The following NF2 variants were observed in gnomAD, a reference collection of about 807,000 sequenced individuals.
NF2 encodes NF2, moesin-ezrin-radixin like (MERLIN) tumor suppressor, also known as merlin.
NF2 carries 8 observed loss-of-function variants against 83.7 expected under a neutral mutation model. That is an observed-to-expected ratio of 0.10 (90% CI 0.06 to 0.17). The LOEUF is 0.17. Ranked by LOEUF, NF2 falls within the 10% of genes least tolerant of loss-of-function variation. The pLI is 1.00. For missense variants in NF2, 533 were observed against 744.4 expected, an observed-to-expected ratio of 0.72 and a Z score of 3.31; for synonymous variants, 266 against 269.6, an observed-to-expected ratio of 0.99 and a Z score of 0.13.
intron 15 of NF2, among the ~76,000 whole-genome samples, chr22:29,688,654 T>G (rs1465185929): frequency 6.6e-6 from 1 of 152,186 alleles, no homozygotes; most frequent in Non-Finnish European, 1.5e-5. Context: ...TCAGGCAGCT[T>G]TTGCTGCTTT....
chr22:29,689,042 G>A (rs967911342), intron 15 of NF2, among the ~76,000 whole-genome samples: 1 of 152,110 alleles, frequency 6.6e-6, no homozygotes, highest in Non-Finnish European at 1.5e-5. Context: ...AGCTGGGCGT[G>A]GTGGCATGCG....
rs145719271 is a variant in NF2 at position 29,695,942 on chromosome 22, G to T, written c.*1140G>T. 7.2e-4 allele frequency: 169 copies of T among 233,364 alleles called. 2 individuals carry two copies. Among genetic ancestry groups the T allele is most frequent in the African/African-American group, 3.6e-3 (163 of 45,400 alleles). 14.5% of individuals were successfully genotyped at this position (233,364 alleles called of 1,614,324 possible). Reference sequence around the variant, plus strand: ...CCCTCCCAGCACAGGCCTGATGCAGGTGTCCACTCACAGGTGGCGCTCACC... The same window carrying T: ...CCCTCCCAGCACAGGCCTGATGCAGTTGTCCACTCACAGGTGGCGCTCACC... On this transcript the variant is annotated 3_prime_UTR_variant, in exon 16 of 16. Transcript: ENST00000338641. The surrounding 1 kb of genome is among the most constrained non-coding windows in gnomAD (Gnocchi z 5.4).
At chr22:29,624,806 TTTC>T (rs2065303867) in intron 1 of NF2, among the ~76,000 whole-genome samples, 1 of 36,244 alleles carries the variant, frequency 2.8e-5, no homozygotes. Context: ...GTCCTCTTTC[TTTC>T]TTTCTTTCTT....
At chr22:29,629,635 T>C (rs2065457070) in intron 1 of NF2, among the ~76,000 whole-genome samples, 1 of 152,272 alleles carries the variant, frequency 6.6e-6, no homozygotes, top group African/African-American at 2.4e-5. Context: ...GTTCCTTTTG[T>C]TGCTCTATCT....
intron 1 of NF2, among the ~76,000 whole-genome samples, chr22:29,606,206 G>A (rs1253984269): frequency 2.6e-5 from 4 of 152,214 alleles, no homozygotes; most frequent in Admixed American, 6.5e-5. Context: ...CACCTGCCTC[G>A]GCCTCCCAAA....
chr22:29,607,646 A>G (rs897558457), intron 1 of NF2, among the ~76,000 whole-genome samples: 1 of 152,186 alleles, frequency 6.6e-6, no homozygotes, highest in Non-Finnish European at 1.5e-5. Context: ...TGACACATAC[A>G]CTGGAAAAAA....
At chr22:29,618,270 G>A (rs1427451243) in intron 1 of NF2, among the ~76,000 whole-genome samples, 1 of 152,128 alleles carries the variant, frequency 6.6e-6, no homozygotes, top group Non-Finnish European at 1.5e-5. Context: ...TGAGCAAGGT[G>A]CTGATGCAAG....
chr22:29,671,583 T>G (rs549647279), intron 10 of NF2, among the ~76,000 whole-genome samples: 1 of 152,084 alleles, frequency 6.6e-6, no homozygotes, highest in East Asian at 1.9e-4. Flanking sequence ...TCAACAGGTT[T>G]TTATTGTTTG....
chr22:29,637,433 A>G (rs1013620666), intron 2 of NF2, among the ~76,000 whole-genome samples: 2 of 152,132 alleles, frequency 1.3e-5, no homozygotes, highest in African/African-American at 4.8e-5. Context: ...GCTCCTGGCA[A>G]TTTTAATGTG....
In NF2 at chr22:29,639,145, A is replaced by G. The variant is rs181794923; in HGVS notation, c.296A>G (p.Lys99Arg). 5.0e-6 allele frequency: 8 copies of G among 1,614,156 alleles called. No homozygotes were observed. In the Admixed American group the frequency reaches 1.3e-4, roughly 27 times the overall value. ...CCAGTCACCTTTCACTTCTTGGCCA[A>G]ATTTTATCCTGAGAATGCTGAAGAG... is the stretch of plus-strand genomic sequence containing the variant. Reference protein sequence around the residue: ...EEPVTFHFLAKFYPENAEEEL... With the variant: ...EEPVTFHFLARFYPENAEEEL... The change falls in exon 3 of 16, where the codon AAA (lysine) becomes AGA (arginine). Residue 99 changes from lysine to arginine, a missense_variant. This residue lies in a region of NF2 where 326 missense variants were observed against 475.1 expected (regional missense o/e 0.69). Transcript: ENST00000338641.
chr22:29,610,522 A>G (rs377176450), intron 1 of NF2, among the ~76,000 whole-genome samples: 3 of 152,016 alleles, frequency 2.0e-5, no homozygotes, highest in East Asian at 3.9e-4. Flanking sequence ...GTGCGCCTGT[A>G]GTCCCAGCTA....
intron 1 of NF2, among the ~76,000 whole-genome samples, chr22:29,619,265 G>A (rs1271568708): frequency 1.3e-5 from 2 of 152,088 alleles, no homozygotes; most frequent in Admixed American, 1.3e-4. Context: ...TGCTGGTCTC[G>A]AACTCCTGAC....
At chr22:29,652,483 T>A (rs906009637) in intron 4 of NF2, among the ~76,000 whole-genome samples, 4 of 152,038 alleles carry the variant, frequency 2.6e-5, no homozygotes, top group African/African-American at 9.7e-5. Flanking sequence ...TTTGTATTTT[T>A]AGTAGAGACG....
In NF2 at chr22:29,694,993, AT is replaced by A; in HGVS notation, c.*194del. 1.5e-6 allele frequency: 1 copy of A among 652,166 alleles called. No homozygotes were observed. Among genetic ancestry groups the A allele is most frequent in the South Asian group, 1.7e-5 (1 of 59,218 alleles). 40.4% of individuals were successfully genotyped at this position (652,166 alleles called of 1,614,324 possible). ...TGCCTTGAACTACGACCCTGTAGAG[AT>A]TTCTCTCATGGCGTTCTAGTTCTCT... On this transcript the variant is annotated 3_prime_UTR_variant, in exon 16 of 16. Transcript: ENST00000338641. The surrounding 1 kb of genome is among the most constrained non-coding windows in gnomAD (Gnocchi z 4.1).
chr22:29,640,560 G>T (rs527412042), intron 3 of NF2, among the ~76,000 whole-genome samples: 1 of 152,244 alleles, frequency 6.6e-6, no homozygotes, highest in East Asian at 1.9e-4. Context: ...TGCAGTGATT[G>T]GCACTGGGGC....
intron 4 of NF2, among the ~76,000 whole-genome samples, 185 bp downstream of exon 4, chr22:29,642,470 GTGTA>G (rs1232554989): frequency 2.0e-5 from 3 of 151,946 alleles, no homozygotes; most frequent in African/African-American, 4.8e-5. Context: ...AATCTTGTGT[GTGTA>G]TGTGTGTGTG....
chr22:29,663,756 T>G (rs773359120), intron 8 of NF2, among the ~76,000 whole-genome samples: 5 of 152,266 alleles, frequency 3.3e-5, no homozygotes, highest in Admixed American at 1.3e-4. Flanking sequence ...GAAATATATC[T>G]TCCCAAACAT....
chr22:29,691,278 G>C (rs2067396821), intron 15 of NF2, among the ~76,000 whole-genome samples: 1 of 152,182 alleles, frequency 6.6e-6, no homozygotes, highest in Non-Finnish European at 1.5e-5. Flanking sequence ...TTTTTGTTTG[G>C]AATTCAGGGT....
chr22:29,620,248 A>C (rs2065182435), intron 1 of NF2, among the ~76,000 whole-genome samples: 1 of 151,342 alleles, frequency 6.6e-6, no homozygotes, highest in Non-Finnish European at 1.5e-5. Context: ...GACAAGAGCG[A>C]GACTCTGTCT....
Sources: gnomAD v4.1 joint callset for allele counts (sites outside exome capture counted in the v4.1 genomes callset) on GRCh38, gnomAD v4.1.1 for gene constraint, gnomAD v4.1.1 regional missense constraint, Gnocchi (gnomAD v3.1) non-coding constraint, MANE v1.5 for transcripts, NCBI Gene and HGNC (gene_info 2026-07-23, HGNC 2026-07-21) for gene names.